Variants in KCNT2 observed in about 807,000 individuals in gnomAD.
The protein encoded by KCNT2 is potassium channel subfamily T member 2.
A neutral mutation model predicts 153.8 loss-of-function variants in KCNT2; 67 were observed. The observed-to-expected ratio is 0.44, with a 90% CI of 0.36 to 0.53. The LOEUF (loss-of-function observed/expected upper bound fraction) is 0.53. KCNT2 is among the 20% of genes least tolerant of loss of function. KCNT2 has a pLI of 0.00. For missense variants in KCNT2, 975 were observed against 1,354.8 expected (o/e 0.72, Z 4.40); for synonymous variants, 500 against 458.8 (o/e 1.09, Z -1.15).
At chr1:196,604,879 T>C (rs578247229) in intron 1 of KCNT2, among the ~76,000 whole-genome samples, 1 of 152,098 alleles carries the variant, frequency 6.6e-6, no homozygotes, top group African/African-American at 2.4e-5. Context: ...CCAGTGTATG[T>C]GTATGTGTTT....
chr1:196,280,792 A>G, intron 25 of KCNT2, 68 bp downstream of exon 25: 2 of 1,362,278 alleles, frequency 1.5e-6, no homozygotes, highest in Non-Finnish European at 2.1e-6. Context: ...AAATCAGTTT[A>G]TAAGCTTATG....
At position 196,276,570 on chromosome 1, in the gene KCNT2, G is replaced by A. The variant is rs186566469; in HGVS notation, c.2910+4290C>T. Among the ~76,000 whole-genome samples the A allele has an allele frequency of 2.0e-5, 3 of 151,596 alleles. No individual in the cohort carries two copies. In the South Asian group the frequency reaches 6.3e-4, roughly 32 times the overall value. The stretch of plus-strand genomic sequence containing the variant: ...TGATCCTCTTTACTTCATTCTTGTC[G>A]CTGGTTTCCATAAAACGTCTGGTTT... On this transcript the variant is annotated intron_variant, in intron 25 of 27. Coordinates refer to ENST00000294725, the MANE Select transcript of KCNT2 (RefSeq NM_198503.5).
Position 196,340,378 on chromosome 1 carries a change from A to G in KCNT2, c.1746T>C (p.Pro582=). 6.2e-7 allele frequency: 1 copy of G among 1,611,182 alleles called. No individual in the cohort carries two copies. Among genetic ancestry groups the G allele is most frequent in the Non-Finnish European group, 8.5e-7 (1 of 1,178,204 alleles). ...TTATGCTATGTACAGGTAATCTGGA[A>G]GGTCCATGATAAAACGACCTGGACA... ...SNVSRSFYHG[P]SRLPVHSIIA... The change falls in exon 16 of 28, where the codon CCT becomes CCC. Residue 582 remains proline, a synonymous_variant. Transcript: ENST00000294725.
At chr1:196,548,912 A>C (rs1448782141) in intron 1 of KCNT2, among the ~76,000 whole-genome samples, 4 of 151,648 alleles carry the variant, frequency 2.6e-5, no homozygotes, top group Admixed American at 1.3e-4. Flanking sequence ...AGAACAAAAA[A>C]CCAAACACCG....
At chr1:196,517,680 A>G (rs1652767426) in intron 1 of KCNT2, among the ~76,000 whole-genome samples, 1 of 152,220 alleles carries the variant, frequency 6.6e-6, no homozygotes, top group South Asian at 2.1e-4. Flanking sequence ...TTAGAACTTG[A>G]AGAGTGTCTC....
intron 26 of KCNT2, among the ~76,000 whole-genome samples, chr1:196,237,930 A>G (rs1000694919): frequency 1.3e-5 from 2 of 151,860 alleles, no homozygotes; most frequent in African/African-American, 4.8e-5. Context: ...ATTTTGATTC[A>G]TATGTGCTTT....
chr1:196,398,844 A>C (rs1044197568), intron 12 of KCNT2, among the ~76,000 whole-genome samples, 173 bp from the exon 13 acceptor site: 1 of 151,704 alleles, frequency 6.6e-6, no homozygotes, highest in African/African-American at 2.4e-5. Flanking sequence ...AGGTAGTAAT[A>C]GCTAATTCAA....
At chr1:196,276,761 T>C (rs948459996) in intron 25 of KCNT2, among the ~76,000 whole-genome samples, 9 of 152,148 alleles carry the variant, frequency 5.9e-5, no homozygotes, top group Non-Finnish European at 1.0e-4. Flanking sequence ...AAATCTAATT[T>C]GAAAATAATA....
At chr1:196,269,582 G>T (rs1448360404) in intron 25 of KCNT2, among the ~76,000 whole-genome samples, 1 of 152,066 alleles carries the variant, frequency 6.6e-6, no homozygotes, top group Non-Finnish European at 1.5e-5. Flanking sequence ...TATCATGGAG[G>T]CCAAGGAAGA....
chr1:196,430,378 ATCTCTCTCTCTC>A (rs71154742), intron 8 of KCNT2, among the ~76,000 whole-genome samples: 13 of 144,488 alleles, frequency 9.0e-5, no homozygotes, highest in East Asian at 8.3e-4. Flanking sequence ...CACAAGATCG[ATCTCTCTCTCTC>A]TCTCTCTCTC....
At chr1:196,572,948 G>A (rs2148954841) in intron 1 of KCNT2, among the ~76,000 whole-genome samples, 1 of 152,162 alleles carries the variant, frequency 6.6e-6, no homozygotes, top group Middle Eastern at 3.4e-3. Context: ...AGGGACTCTA[G>A]TGTCTCAGGT....
chr1:196,537,409 C>T lies in KCNT2; in HGVS notation c.96-45068G>A, dbSNP rs117869224. Among the ~76,000 whole-genome samples, 301 of 152,176 alleles carry T rather than the reference C, an allele frequency of 2.0e-3. 2 individuals are homozygous for T. The East Asian group carries it at 0.025, about 13-fold the overall frequency. On this transcript the variant is annotated intron_variant, in intron 1 of 27. Transcript: ENST00000294725. ...GTTCTCTTAAGCAGTGTATCAAGTC[C>T]GTAATAGACGGCACAGCTGCCAAGC...
chr1:196,527,110 T>A (rs909826244), intron 1 of KCNT2, among the ~76,000 whole-genome samples: 1 of 152,152 alleles, frequency 6.6e-6, no homozygotes, highest in African/African-American at 2.4e-5. Flanking sequence ...GCCAAAACTG[T>A]GCCCCCACTG....
At chr1:196,493,031 T>C (rs912943229) in intron 1 of KCNT2, among the ~76,000 whole-genome samples, 1 of 152,160 alleles carries the variant, frequency 6.6e-6, no homozygotes, top group Admixed American at 6.5e-5. Context: ...TCTAAAATAA[T>C]AGCAGTACTT....
At chr1:196,458,673 C>A (rs549354611) in intron 8 of KCNT2, among the ~76,000 whole-genome samples, 1 of 151,778 alleles carries the variant, frequency 6.6e-6, no homozygotes, top group Admixed American at 6.6e-5. Flanking sequence ...ATTTTTCAAG[C>A]TTTGGCATGT....
chr1:196,366,369 T>C (rs968096009), intron 14 of KCNT2, among the ~76,000 whole-genome samples: 6 of 151,820 alleles, frequency 4.0e-5, no homozygotes, highest in African/African-American at 1.2e-4. Flanking sequence ...ATGTTGATCA[T>C]GCCAGGCTCA....
At chr1:196,228,868 C>T (rs1210830835) in intron 27 of KCNT2, among the ~76,000 whole-genome samples, 1 of 151,926 alleles carries the variant, frequency 6.6e-6, no homozygotes, top group Non-Finnish European at 1.5e-5. Context: ...TCTATAAAAT[C>T]AACAGTTTAA....
intron 22 of KCNT2, among the ~76,000 whole-genome samples, chr1:196,287,936 T>C (rs541276417): frequency 2.0e-5 from 3 of 152,042 alleles, no homozygotes; most frequent in East Asian, 1.9e-4. Context: ...TGGGTGAATA[T>C]ATGTAATAAT....
In KCNT2 at chr1:196,340,350, C is replaced by A; in HGVS notation, c.1774G>T (p.Ala592Ser). The A allele has an allele frequency of 6.4e-7, 1 of 1,570,010 alleles. No homozygotes were observed. The change falls in exon 16 of 28, where the codon GCC (alanine) becomes TCC (serine). Residue 592 changes from alanine (A) to serine (S), a missense_variant. Ala to Ser is a moderately conservative substitution (Grantham distance 99). Transcript: ENST00000294725. ...ATTTGTTTATACTTACCCATGCTGG[C>A]AATTATGCTATGTACAGGTAATCTG... The part of the protein sequence containing the change: ...PSRLPVHSII[A>S]SMGTVAIDLQ...
Sources: allele counts gnomAD v4.1 joint callset (sites outside exome capture counted in the v4.1 genomes callset), GRCh38; gene constraint gnomAD v4.1.1; transcripts MANE v1.5; gene names NCBI Gene and HGNC (gene_info 2026-07-23, HGNC 2026-07-21).